NKAIN2: variants seen among roughly 807,000 people sequenced by gnomAD.
NKAIN2 encodes sodium/potassium transporting ATPase interacting 2.
NKAIN2 carries 14 observed loss-of-function variants against 32.6 expected under a neutral mutation model. The ratio of observed to expected loss-of-function variants is 0.43; its 90% CI spans 0.28 to 0.67. The LOEUF is 0.67. Among genes scored for constraint, NKAIN2 ranks in the 30% least tolerant of loss-of-function variants. The pLI, the probability that NKAIN2 is intolerant of heterozygous loss-of-function variation, is 0.17. For missense variants in NKAIN2, 198 were observed against 258.3 expected, an observed-to-expected ratio of 0.77 and a Z score of 1.60; for synonymous variants, 80 against 87.2, an observed-to-expected ratio of 0.92 and a Z score of 0.46.
intron 1 of NKAIN2, among the ~76,000 whole-genome samples, chr6:124,276,788 G>C (rs912603091): frequency 2.0e-5 from 3 of 152,124 alleles, no homozygotes; most frequent in Admixed American, 2.0e-4. Context: ...CTTAAAATTA[G>C]AGAAACCAAC....
chr6:124,678,646 G>C (rs1175101941), intron 4 of NKAIN2, among the ~76,000 whole-genome samples: 1 of 152,004 alleles, frequency 6.6e-6, no homozygotes, highest in East Asian at 1.9e-4. Context: ...GCATCTTTAT[G>C]ACAGTTATTT....
intron 2 of NKAIN2, among the ~76,000 whole-genome samples, chr6:124,309,187 A>G (rs923426738): frequency 1.3e-5 from 2 of 152,144 alleles, no homozygotes; most frequent in African/African-American, 4.8e-5. Context: ...GGAGTCCTCA[A>G]ATCCAAACCA....
chr6:124,289,814 A>G (rs1333750642), intron 2 of NKAIN2, among the ~76,000 whole-genome samples: 3 of 152,164 alleles, frequency 2.0e-5, no homozygotes, highest in Non-Finnish European at 4.4e-5. Context: ...TCATTAATCT[A>G]TGTTCAAGTA....
rs1309924877 is a variant in NKAIN2, at chr6:124,825,195, T to A, written c.*1966T>A. 1 of 152,656 alleles carries A rather than the reference T, an allele frequency of 6.6e-6. No individual in the cohort carries two copies. Among genetic ancestry groups the A allele is most frequent in the Non-Finnish European group, 1.5e-5 (1 of 68,040 alleles). The allele number at this position is 152,656 out of a possible 1,614,324, so 9.5% of individuals were successfully genotyped here. ...GTGACTATTAAAAATGAGGTTTCAC[T>A]GTACATTCATGCTGTGATGCGATTT... On this transcript the variant is annotated 3_prime_UTR_variant, in exon 7 of 7. Coordinates refer to ENST00000368417, the MANE Select transcript of NKAIN2 (RefSeq NM_001040214.3).
chr6:124,008,475 G>T (rs1188282675), intron 1 of NKAIN2, among the ~76,000 whole-genome samples: 1 of 135,826 alleles, frequency 7.4e-6, no homozygotes, highest in Non-Finnish European at 1.6e-5. Context: ...ATTCCCTAAA[G>T]AACTCAGTCT....
Position 124,725,989 on chromosome 6 carries a change from G to A in NKAIN2, c.475-65350G>A, listed in dbSNP as rs576859297. Among the ~76,000 whole-genome samples the A allele has an allele frequency of 5.3e-3, 805 of 152,322 alleles. 12 individuals carry two copies. Among genetic ancestry groups the A allele is most frequent in the African/African-American group, 0.018 (759 of 41,584 alleles). Reference sequence around the variant, plus strand: ...TGGGTCACTCCCACCCGAATACTGCGCTTTTCCGACGGGCTTAAAAAACGG... The same window carrying A: ...TGGGTCACTCCCACCCGAATACTGCACTTTTCCGACGGGCTTAAAAAACGG... On this transcript the variant is annotated intron_variant, in intron 4 of 6. Coordinates refer to ENST00000368417, the MANE Select transcript of NKAIN2 (RefSeq NM_001040214.3).
chr6:124,061,180 A>G (rs1782904364), intron 1 of NKAIN2, among the ~76,000 whole-genome samples: 2 of 152,146 alleles, frequency 1.3e-5, no homozygotes, highest in South Asian at 4.1e-4. Context: ...GATATTGTAA[A>G]AGCAAGTCTG....
At chr6:124,289,939 A>G (rs1795724039) in intron 2 of NKAIN2, among the ~76,000 whole-genome samples, 1 of 152,202 alleles carries the variant, frequency 6.6e-6, no homozygotes, top group South Asian at 2.1e-4. Context: ...CAGAAAATCA[A>G]TGTAGATTAG....
chr6:124,658,068 G>GA (rs796178278), intron 3 of NKAIN2, 118 bp from the exon 4 acceptor site: 17,170 of 600,388 alleles, frequency 0.029, 2 homozygotes, highest in South Asian at 0.044. Context: ...CATGGGGTAG[G>GA]AAAAAAAAAA....
intron 1 of NKAIN2, among the ~76,000 whole-genome samples, chr6:124,280,618 A>C (rs181759788): frequency 4.6e-5 from 7 of 152,288 alleles, no homozygotes; most frequent in South Asian, 2.1e-4. Context: ...AAAAGCATAA[A>C]GCCCCAGCAT....
intron 1 of NKAIN2, among the ~76,000 whole-genome samples, chr6:124,236,249 T>C (rs1792753472): frequency 6.6e-6 from 1 of 152,170 alleles, no homozygotes; most frequent in African/African-American, 2.4e-5. Flanking sequence ...AAGCTTATAA[T>C]GTAGCATGAA....
intron 1 of NKAIN2, among the ~76,000 whole-genome samples, chr6:124,138,208 A>G (rs766362405): frequency 6.6e-6 from 1 of 152,212 alleles, no homozygotes; most frequent in Non-Finnish European, 1.5e-5. Flanking sequence ...AAGAAGATAT[A>G]CAAATGGCCA....
chr6:124,796,913 C>G (rs537015853), intron 5 of NKAIN2, among the ~76,000 whole-genome samples: 15 of 152,236 alleles, frequency 9.9e-5, no homozygotes, highest in Non-Finnish European at 5.9e-5. Flanking sequence ...CTCCCGTCTT[C>G]TATTCCCCTC....
chr6:124,017,064 C>T (rs1780606792), intron 1 of NKAIN2, among the ~76,000 whole-genome samples: 1 of 152,186 alleles, frequency 6.6e-6, no homozygotes, highest in Non-Finnish European at 1.5e-5. Context: ...ATTTAATAGA[C>T]TCATGATTCC....
intron 1 of NKAIN2, among the ~76,000 whole-genome samples, chr6:123,976,178 T>C (rs928831841): frequency 2.7e-5 from 4 of 149,078 alleles, no homozygotes; most frequent in Admixed American, 1.3e-4. Context: ...TACCCAGTCT[T>C]GGGTATGTCT....
chr6:124,646,294 G>A (rs773997927), intron 3 of NKAIN2, among the ~76,000 whole-genome samples: 1 of 151,942 alleles, frequency 6.6e-6, no homozygotes, highest in Non-Finnish European at 1.5e-5. Flanking sequence ...AGTTCAAAAC[G>A]TTAAAAATTT....
chr6:123,887,449 A>G (rs1361359062), intron 1 of NKAIN2, among the ~76,000 whole-genome samples: 1 of 152,156 alleles, frequency 6.6e-6, no homozygotes, highest in East Asian at 1.9e-4. Flanking sequence ...GTAAAACCAG[A>G]TGGAAAAATC....
chr6:124,807,678 T>C (rs1480977156), intron 5 of NKAIN2, among the ~76,000 whole-genome samples: 2 of 150,296 alleles, frequency 1.3e-5, no homozygotes, highest in African/African-American at 4.9e-5. Context: ...AAAAAACCCT[T>C]CAAAAAATTA....
At chr6:124,160,075 C>T (rs77334548) in intron 1 of NKAIN2, among the ~76,000 whole-genome samples, 131 of 152,194 alleles carry the variant, frequency 8.6e-4, no homozygotes, top group African/African-American at 3.1e-3. Flanking sequence ...GTGGGATAAA[C>T]CCTAGCTTAC....
Sources: gnomAD v4.1 joint callset for allele counts (sites outside exome capture counted in the v4.1 genomes callset) on GRCh38, gnomAD v4.1.1 for gene constraint, MANE v1.5 for transcripts, NCBI Gene and HGNC (gene_info 2026-07-23, HGNC 2026-07-21) for gene names.